Variants in ANGPTL2 observed in about 807,000 individuals in gnomAD.
The protein encoded by ANGPTL2 is angiopoietin like 2, also known as angiopoietin-related protein 2.
A neutral mutation model predicts 52.8 loss-of-function variants in ANGPTL2; 25 were observed. The observed-to-expected ratio is 0.47, with a 90% CI of 0.35 to 0.66. The LOEUF (loss-of-function observed/expected upper bound fraction) is 0.66, where lower values mean the gene tolerates loss of function less well. Among genes scored for constraint, ANGPTL2 ranks in the 30% least tolerant of loss-of-function variants. The pLI is 0.01. For synonymous variants in ANGPTL2, 276 were observed against 277.4 expected (o/e 1.00, Z 0.05); for missense variants, 546 against 656.9 (o/e 0.83, Z 1.84).
At chr9:127,112,503 G>A (rs1030388986) in intron 1 of ANGPTL2, among the ~76,000 whole-genome samples, 1 of 152,154 alleles carries the variant, frequency 6.6e-6, no homozygotes, top group Admixed American at 6.5e-5. Flanking sequence ...TGCAAGACAA[G>A]GTTGGTTTCC....
At chr9:127,097,035 C>T (rs190545743) in intron 2 of ANGPTL2, among the ~76,000 whole-genome samples, 8 of 152,274 alleles carry the variant, frequency 5.3e-5, no homozygotes, top group African/African-American at 1.4e-4. Context: ...CCAACCAGAA[C>T]GAACTCAAGA....
intron 4 of ANGPTL2, among the ~76,000 whole-genome samples, chr9:127,089,467 C>G (rs996771419): frequency 6.6e-6 from 1 of 152,170 alleles, no homozygotes; most frequent in Non-Finnish European, 1.5e-5. Context: ...TGACACCTAG[C>G]CCAGGGCTGG....
intron 2 of ANGPTL2, among the ~76,000 whole-genome samples, chr9:127,097,150 C>T (rs1589449609): frequency 6.6e-6 from 1 of 152,184 alleles, no homozygotes; most frequent in African/African-American, 2.4e-5. Context: ...AGTTCTTTGT[C>T]GAGGTGTAAA....
At chr9:127,115,180 AATTATT>A (rs112610239) in intron 1 of ANGPTL2, among the ~76,000 whole-genome samples, 3 of 151,206 alleles carry the variant, frequency 2.0e-5, no homozygotes, top group South Asian at 2.1e-4. Context: ...TGTCTTACGT[AATTATT>A]ATTATTATTA....
At chr9:127,108,853 G>T in intron 1 of ANGPTL2, 73 bp from the exon 2 acceptor site, 1 of 1,101,956 alleles carries the variant, frequency 9.1e-7, no homozygotes, top group Non-Finnish European at 1.3e-6. Flanking sequence ...AGTGATCCCA[G>T]CCTTCTCGCC....
chr9:127,094,332 T>G (rs1247152847), intron 2 of ANGPTL2, among the ~76,000 whole-genome samples: 1 of 152,230 alleles, frequency 6.6e-6, no homozygotes, highest in Non-Finnish European at 1.5e-5. Flanking sequence ...AAAAGAGATG[T>G]GGACCTACTA....
intron 2 of ANGPTL2, among the ~76,000 whole-genome samples, chr9:127,095,485 T>A (rs560599169): frequency 2.0e-5 from 3 of 152,356 alleles, no homozygotes; most frequent in African/African-American, 7.2e-5. Context: ...ATGTTTTCTA[T>A]CAATTTGTAT....
intron 2 of ANGPTL2, among the ~76,000 whole-genome samples, chr9:127,094,345 C>T (rs1489797038): frequency 2.0e-5 from 3 of 152,178 alleles, no homozygotes; most frequent in Non-Finnish European, 4.4e-5. Context: ...ACCTACTAAA[C>T]GTGGCAACAT....
Position 127,108,782 on chromosome 9 carries a change from T to A in ANGPTL2, c.-49-2A>T. 2 of 1,534,528 alleles carry A rather than the reference T, an allele frequency of 1.3e-6. No individual in the cohort carries two copies. Among genetic ancestry groups the A allele is most frequent in the East Asian group, 2.3e-5 (1 of 43,736 alleles). On this transcript the variant is annotated splice_acceptor_variant, in intron 1 of 4. Transcript: ENST00000373425. LOFTEE classifies it low-confidence loss of function (5UTR_SPLICE). ...TTTGTGAATAGAATCTATGAAAGCC[T>A]GAAAGTAAACAGAGGGGAGAATCAG...
At position 127,108,411 on chromosome 9, in the gene ANGPTL2, C is replaced by G. The variant is rs2054463177; in HGVS notation, c.321G>C (p.Gln107His). The change falls in exon 2 of 5, where the codon CAG becomes CAC. Residue 107 changes from glutamine to histidine, a missense_variant. Physicochemically the swap from Gln to His is conservative, Grantham distance 24. Coordinates refer to ENST00000373425, the MANE Select transcript of ANGPTL2 (RefSeq NM_012098.3). Reference protein sequence around the residue: ...LKQKRQIETLQQLVEVDGGIV... With the variant: ...LKQKRQIETLHQLVEVDGGIV... ...TGCCGCCGTCCACCTCCACCAGCTGCTGCAGCGTCTCGATCTGCCGCTTCT... is the reference window on the plus strand; with the variant it reads ...TGCCGCCGTCCACCTCCACCAGCTGGTGCAGCGTCTCGATCTGCCGCTTCT... 3 of 1,608,912 alleles carry G rather than the reference C, an allele frequency of 1.9e-6. No homozygotes were observed. Among genetic ancestry groups the G allele is most frequent in the Non-Finnish European group, 2.5e-6 (3 of 1,178,526 alleles).
At chr9:127,105,081 C>G (rs972098413) in intron 2 of ANGPTL2, among the ~76,000 whole-genome samples, 2 of 152,208 alleles carry the variant, frequency 1.3e-5, no homozygotes, top group African/African-American at 2.4e-5. Context: ...TTCCTGGGCT[C>G]TGTCTACCCA....
At chr9:127,106,573 T>C (rs2054234824) in intron 2 of ANGPTL2, among the ~76,000 whole-genome samples, 1 of 152,210 alleles carries the variant, frequency 6.6e-6, no homozygotes, top group Non-Finnish European at 1.5e-5. Context: ...ACTTGCCTAA[T>C]GTCCCAGAGC....
chr9:127,096,506 C>CA (rs899003981), intron 2 of ANGPTL2, among the ~76,000 whole-genome samples: 1 of 152,158 alleles, frequency 6.6e-6, no homozygotes, highest in African/African-American at 2.4e-5. Flanking sequence ...AAGGAGGCGC[C>CA]ACGTAGGGAG....
intron 2 of ANGPTL2, among the ~76,000 whole-genome samples, chr9:127,098,987 T>A (rs923475931): frequency 4.6e-5 from 7 of 152,198 alleles, no homozygotes; most frequent in Non-Finnish European, 1.0e-4. Flanking sequence ...TCCGTGAATA[T>A]CTGACCTTGA....
intron 1 of ANGPTL2, among the ~76,000 whole-genome samples, chr9:127,120,649 C>CT (rs1408809079): frequency 1.2e-4 from 18 of 152,076 alleles, no homozygotes; most frequent in Non-Finnish European, 7.4e-5. Context: ...TGGTGAAACC[C>CT]GTCTCTACTG....
chr9:127,115,231 C>A (rs1488782899), intron 1 of ANGPTL2, among the ~76,000 whole-genome samples: 2 of 151,906 alleles, frequency 1.3e-5, no homozygotes, highest in Non-Finnish European at 2.9e-5. Context: ...CTCTTGTCAC[C>A]CAGGCTGGAG....
intron 2 of ANGPTL2, among the ~76,000 whole-genome samples, chr9:127,101,916 T>G (rs1349601508): frequency 1.3e-5 from 2 of 152,200 alleles, no homozygotes; most frequent in African/African-American, 4.8e-5. Flanking sequence ...TATTTTTTTT[T>G]AAACAAAGGA....
intron 2 of ANGPTL2, chr9:127,107,065 G>A (rs2054289052): frequency 6.6e-6 from 1 of 152,218 alleles, no homozygotes; most frequent in Non-Finnish European, 1.5e-5. Flanking sequence ...TGACAGGGGA[G>A]CCTCTGGCCT....
At chr9:127,089,374 A>G (rs562712912) in intron 4 of ANGPTL2, among the ~76,000 whole-genome samples, 48 of 152,316 alleles carry the variant, frequency 3.2e-4, no homozygotes, top group African/African-American at 1.2e-3. Flanking sequence ...TCTCCCAGCC[A>G]CTGTATCCTC....
Sources: gnomAD v4.1 joint callset for allele counts (sites outside exome capture counted in the v4.1 genomes callset) on GRCh38, gnomAD v4.1.1 for gene constraint, MANE v1.5 for transcripts, NCBI Gene and HGNC (gene_info 2026-07-23, HGNC 2026-07-21) for gene names.